LRRC4C: variants seen among roughly 807,000 people sequenced by gnomAD.
LRRC4C encodes the protein leucine rich repeat containing 4C, also known as leucine-rich repeat-containing protein 4C.
LRRC4C carries 5 observed loss-of-function variants against 33.6 expected under a neutral mutation model. The ratio of observed to expected loss-of-function variants is 0.15; its 90% CI spans 0.08 to 0.31. The LOEUF is 0.31. Among genes scored for constraint, LRRC4C ranks in the 10% least tolerant of loss-of-function variants. LRRC4C has a pLI of 1.00. For missense variants in LRRC4C, 560 were observed against 796.7 expected (o/e 0.70, Z 3.58); for synonymous variants, 329 against 302.0 (o/e 1.09, Z -0.93).
At chr11:40,552,238 A>G (rs1418910538) in intron 3 of LRRC4C, among the ~76,000 whole-genome samples, 1 of 152,220 alleles carries the variant, frequency 6.6e-6, no homozygotes, top group Admixed American at 6.5e-5. Flanking sequence ...GCTCAAACAT[A>G]CATTTGTTGA....
intron 4 of LRRC4C, among the ~76,000 whole-genome samples, chr11:40,273,954 C>A (rs986501347): frequency 6.6e-6 from 1 of 151,934 alleles, no homozygotes; most frequent in Non-Finnish European, 1.5e-5. Flanking sequence ...CTATTTTCCC[C>A]ACGAGGTAGG....
chr11:40,148,528 A>C (rs1249804674), intron 5 of LRRC4C, among the ~76,000 whole-genome samples: 1 of 151,820 alleles, frequency 6.6e-6, no homozygotes, highest in Non-Finnish European at 1.5e-5. Context: ...TAACGGAGTT[A>C]TTTGTTATTT....
At chr11:41,279,429 C>CA (rs1591141768) in intron 1 of LRRC4C, among the ~76,000 whole-genome samples, 2 of 106,774 alleles carry the variant, frequency 1.9e-5, no homozygotes, top group Admixed American at 1.3e-4. Flanking sequence ...CACACACACA[C>CA]CGTGGCAATC....
intron 1 of LRRC4C, among the ~76,000 whole-genome samples, chr11:41,159,146 C>T (rs1414656093): frequency 6.6e-6 from 1 of 151,942 alleles, no homozygotes; most frequent in East Asian, 1.9e-4. Context: ...AAAAACTAGC[C>T]AGGCATGGTA....
In LRRC4C at chr11:40,759,722, C is replaced by T. The variant is rs12807957; in HGVS notation, c.-406-111444G>A. Among the ~76,000 whole-genome samples, 500 of 151,916 alleles carry T rather than the reference C, an allele frequency of 3.3e-3. 3 individuals are homozygous for T. The highest frequency in any genetic ancestry group is 0.012 in the African/African-American group (480 of 41,444). On this transcript the variant is annotated intron_variant, in intron 2 of 6. Transcript: ENST00000528697. ...CATATTCTATTTATCAACTCCTTGT[C>T]GATATCATGAACAAAATATCAAAAT...
chr11:40,224,247 T>C (rs924296260), intron 5 of LRRC4C, among the ~76,000 whole-genome samples: 1 of 152,262 alleles, frequency 6.6e-6, no homozygotes, highest in African/African-American at 2.4e-5. Context: ...TATTATATAA[T>C]GTTGATCTGG....
chr11:40,999,291 T>G (rs1854197048), intron 1 of LRRC4C, among the ~76,000 whole-genome samples: 1 of 152,090 alleles, frequency 6.6e-6, no homozygotes, highest in African/African-American at 2.4e-5. Context: ...TTCTAACTCC[T>G]AAGCATGGCA....
chr11:41,057,126 G>GC (rs1858681964), intron 1 of LRRC4C, among the ~76,000 whole-genome samples: 3 of 152,148 alleles, frequency 2.0e-5, no homozygotes, highest in South Asian at 2.1e-4. Context: ...CAGAAACGCC[G>GC]CCCCCCATTC....
In LRRC4C at chr11:41,218,494, T is replaced by C. The variant is rs145289714; in HGVS notation, c.-496+240937A>G. Among the ~76,000 whole-genome samples the C allele has an allele frequency of 1.1e-3, 169 of 152,340 alleles. 1 individual carries two copies. The highest frequency in any genetic ancestry group is 3.9e-3 in the African/African-American group (164 of 41,584). On this transcript the variant is annotated intron_variant, in intron 1 of 6. Transcript: ENST00000528697. The stretch of plus-strand genomic sequence containing the variant: ...GTGATGCAACAGTCTGGCAACCGCC[T>C]GAGCTAAGGCAGGGCTTTTAATGTG...
At chr11:40,601,062 A>G (rs760120586) in intron 3 of LRRC4C, among the ~76,000 whole-genome samples, 1 of 152,180 alleles carries the variant, frequency 6.6e-6, no homozygotes. Flanking sequence ...GAAACATGCA[A>G]CACTATCTGA....
chr11:40,192,058 G>A (rs1565113669), intron 5 of LRRC4C, among the ~76,000 whole-genome samples: 1 of 152,186 alleles, frequency 6.6e-6, no homozygotes, highest in African/African-American at 2.4e-5. Context: ...GGCACTTGAT[G>A]TCTAATCTGA....
intron 6 of LRRC4C, among the ~76,000 whole-genome samples, chr11:40,133,040 T>C (rs371921408): frequency 7.8e-4 from 119 of 152,338 alleles, no homozygotes; most frequent in African/African-American, 2.8e-3. Flanking sequence ...GAAACGTAAG[T>C]CCTTGGCAAG....
At chr11:40,721,476 C>T (rs1564975690) in intron 2 of LRRC4C, among the ~76,000 whole-genome samples, 1 of 152,312 alleles carries the variant, frequency 6.6e-6, no homozygotes, top group Middle Eastern at 3.4e-3. Context: ...GTTATAGCAG[C>T]TTAAACTAAG....
chr11:40,873,579 G>T (rs998256513), intron 2 of LRRC4C, among the ~76,000 whole-genome samples: 4 of 152,062 alleles, frequency 2.6e-5, no homozygotes, highest in Non-Finnish European at 4.4e-5. Flanking sequence ...GGGAGCCAAT[G>T]GAATTTCAAA....
chr11:41,131,200 C>T (rs1208247598), intron 1 of LRRC4C, among the ~76,000 whole-genome samples: 2 of 151,854 alleles, frequency 1.3e-5, no homozygotes, highest in Non-Finnish European at 2.9e-5. Flanking sequence ...AAAAATTGTG[C>T]CTTACAGAAA....
intron 1 of LRRC4C, among the ~76,000 whole-genome samples, chr11:41,189,617 G>A (rs1945857517): frequency 6.6e-6 from 1 of 152,126 alleles, no homozygotes; most frequent in Non-Finnish European, 1.5e-5. Context: ...TAAAGGAAAG[G>A]TTTACTCAGA....
In LRRC4C at chr11:40,116,169, C is replaced by G; in HGVS notation, c.124G>C (p.Val42Leu). 1.2e-6 allele frequency: 2 copies of G among 1,613,882 alleles called. No homozygotes were observed. Among genetic ancestry groups the G allele is most frequent in the Non-Finnish European group, 1.7e-6 (2 of 1,179,946 alleles). ...ALQLLVVAGL[V>L]RAQTCPSVCS... The stretch of plus-strand genomic sequence containing the variant: ...ACAGAAGGGCAGGTCTGAGCCCGCA[C>G]CAGACCAGCCACCACAAGAAGTTGA... Residue 42 changes from valine (V) to leucine (L), a missense_variant, in exon 7 of 7, where the codon GTG becomes CTG. Val to Leu is a conservative substitution (Grantham distance 32, BLOSUM62 1). Coordinates refer to ENST00000528697, the MANE Select transcript of LRRC4C (RefSeq NM_001258419.2).
intron 1 of LRRC4C, among the ~76,000 whole-genome samples, chr11:41,065,761 C>T (rs2135393345): frequency 6.6e-6 from 1 of 152,260 alleles, no homozygotes; most frequent in South Asian, 2.1e-4. Context: ...ACCTGTAATA[C>T]CCAGGCGAAC....
At chr11:41,327,599 A>G (rs965245456) in intron 1 of LRRC4C, among the ~76,000 whole-genome samples, 2 of 152,254 alleles carry the variant, frequency 1.3e-5, no homozygotes, top group Admixed American at 1.3e-4. Flanking sequence ...TGTGAACACC[A>G]TCAGGAGGAA....
Sources: allele counts gnomAD v4.1 joint callset (sites outside exome capture counted in the v4.1 genomes callset), GRCh38; gene constraint gnomAD v4.1.1; transcripts MANE v1.5; gene names NCBI Gene and HGNC (gene_info 2026-07-23, HGNC 2026-07-21).